The following EPHA6 variants were observed in gnomAD, a reference collection of about 807,000 sequenced individuals.
EPHA6 encodes the protein EPH receptor A6.
A neutral mutation model predicts 112.0 loss-of-function variants in EPHA6; 50 were observed. The observed-to-expected ratio is 0.45, with a 90% CI of 0.36 to 0.56. The LOEUF (loss-of-function observed/expected upper bound fraction) is 0.56, where lower values mean the gene tolerates loss of function less well. EPHA6 is among the 20% of genes least tolerant of loss of function. The probability of loss-of-function intolerance (pLI) is 0.00; values close to 1 mark genes in which losing one functional copy is unlikely to be tolerated. For missense variants in EPHA6, 1,280 were observed against 1,417.4 expected, an observed-to-expected ratio of 0.90 and a Z score of 1.56; for synonymous variants, 529 against 490.7, an observed-to-expected ratio of 1.08 and a Z score of -1.03.
At chr3:97,640,359 G>A (rs935580137) in intron 14 of EPHA6, among the ~76,000 whole-genome samples, 1 of 152,172 alleles carries the variant, frequency 6.6e-6, no homozygotes, top group Non-Finnish European at 1.5e-5. Flanking sequence ...TGGAATAAAT[G>A]TAAAGGTACC....
intron 5 of EPHA6, among the ~76,000 whole-genome samples, chr3:97,362,132 A>G (rs1007638523): frequency 3.3e-5 from 5 of 152,186 alleles, no homozygotes; most frequent in Non-Finnish European, 7.3e-5. Context: ...CCACTTCATT[A>G]TGACACAATA....
chr3:97,188,456 ACAAAT>A (rs1241780210), intron 3 of EPHA6, among the ~76,000 whole-genome samples: 1 of 152,076 alleles, frequency 6.6e-6, no homozygotes, highest in Admixed American at 6.6e-5. Flanking sequence ...CAAGAAAGAA[ACAAAT>A]CAAACTAGGG....
intron 5 of EPHA6, among the ~76,000 whole-genome samples, chr3:97,297,535 G>A (rs1267645881): frequency 6.6e-6 from 1 of 152,026 alleles, no homozygotes; most frequent in Non-Finnish European, 1.5e-5. Context: ...GAGTTTACAT[G>A]CTTTACAACA....
At chr3:97,556,316 G>T (rs1377689185) in intron 11 of EPHA6, among the ~76,000 whole-genome samples, 25 of 151,954 alleles carry the variant, frequency 1.6e-4, no homozygotes, top group Admixed American at 1.4e-3. Flanking sequence ...GTATGTATGT[G>T]CATTAGTCTA....
intron 5 of EPHA6, among the ~76,000 whole-genome samples, chr3:97,272,297 CGTGTGTGTGTGTGT>C (rs58790255): frequency 0.62 from 92,831 of 150,216 alleles, 31,072 homozygotes; most frequent in East Asian, 0.78. Context: ...TATTCCATTT[CGTGTGTGTGTGTGT>C]GTGTGTGTGT....
Position 96,981,357 on chromosome 3 carries a change from G to C in EPHA6, c.451-5973G>C, listed in dbSNP as rs114853492. Among the ~76,000 whole-genome samples the C allele has an allele frequency of 5.5e-3, 830 of 152,214 alleles. 13 individuals are homozygous for C. Among genetic ancestry groups the C allele is most frequent in the African/African-American group, 0.019 (777 of 41,526 alleles). On this transcript the variant is annotated intron_variant, in intron 2 of 17. Transcript: ENST00000389672. Reference sequence around the variant, plus strand: ...GTTTATGTGCTGGATTTCATTTATTGATTTGTTTATGTTGAACCAGCCTTA... The same window carrying C: ...GTTTATGTGCTGGATTTCATTTATTCATTTGTTTATGTTGAACCAGCCTTA...
intron 7 of EPHA6, chr3:97,466,489 G>A (rs868405482): frequency 1.5e-6 from 2 of 1,316,276 alleles, no homozygotes; most frequent in Non-Finnish European, 2.2e-6. Context: ...TCAGGTAACT[G>A]AAAAGTCAAA....
At position 97,760,414 on chromosome 3, in the gene EPHA6, A is replaced by C. The variant is rs1166212387; in HGVS notation, c.*11713A>C. 1 of 166,900 alleles carries C rather than the reference A, an allele frequency of 6.0e-6. No homozygotes were observed. 10.3% of individuals were successfully genotyped at this position (166,900 alleles called of 1,614,324 possible). A position where few individuals can be genotyped will look rare whatever the true frequency, so the allele number is the denominator to read the frequency against. On this transcript the variant is annotated 3_prime_UTR_variant, in exon 18 of 18. Transcript: ENST00000389672. ...TGTATGTGTGTATGTGTGTATATAT[A>C]TCTCTCTAGGTTGTATGTAATTCAA...
At chr3:97,720,216 A>T in intron 14 of EPHA6, 45 bp from the exon 15 acceptor site, 1 of 1,464,984 alleles carries the variant, frequency 6.8e-7, no homozygotes, top group Non-Finnish European at 9.0e-7. Flanking sequence ...TTTTGTTTTT[A>T]ATACAACGAT....
At chr3:97,077,585 G>A (rs565125096) in intron 3 of EPHA6, among the ~76,000 whole-genome samples, 43 of 108,140 alleles carry the variant, frequency 4.0e-4, no homozygotes, top group Admixed American at 2.5e-3. Context: ...GATGTTCCCC[G>A]CCCTTTGTCC....
chr3:97,233,804 A>G (rs1443759999), intron 4 of EPHA6, among the ~76,000 whole-genome samples: 1 of 152,186 alleles, frequency 6.6e-6, no homozygotes, highest in African/African-American at 2.4e-5. Context: ...TGATGAAACC[A>G]TTTTGAATGT....
chr3:97,359,244 C>A (rs973391206), intron 5 of EPHA6, among the ~76,000 whole-genome samples: 8 of 151,950 alleles, frequency 5.3e-5, no homozygotes, highest in Non-Finnish European at 1.2e-4. Flanking sequence ...TTTCCTCAAC[C>A]ATTTTTTTCA....
chr3:97,493,742 G>A (rs2091909329), intron 10 of EPHA6, among the ~76,000 whole-genome samples: 2 of 152,062 alleles, frequency 1.3e-5, no homozygotes, highest in East Asian at 1.9e-4. Flanking sequence ...AATAAAAATT[G>A]TAAATTCATA....
intron 2 of EPHA6, among the ~76,000 whole-genome samples, chr3:96,931,759 A>G (rs1264495512): frequency 1.3e-5 from 2 of 152,148 alleles, no homozygotes; most frequent in Non-Finnish European, 2.9e-5. Context: ...CAAACCAGTG[A>G]GTCTTATCTT....
At chr3:96,836,077 A>C (rs1462011118) in intron 1 of EPHA6, among the ~76,000 whole-genome samples, 2 of 152,120 alleles carry the variant, frequency 1.3e-5, no homozygotes, top group Non-Finnish European at 2.9e-5. Context: ...TGGCTACTAC[A>C]TGAGGTATGC....
intron 1 of EPHA6, among the ~76,000 whole-genome samples, chr3:96,816,170 G>A (rs1464115170): frequency 6.6e-6 from 1 of 152,134 alleles, no homozygotes; most frequent in Non-Finnish European, 1.5e-5. Context: ...ATTTTACTTA[G>A]AAATGTTCAG....
intron 6 of EPHA6, among the ~76,000 whole-genome samples, chr3:97,440,622 A>G (rs1168640204): frequency 6.6e-6 from 1 of 151,134 alleles, no homozygotes; most frequent in African/African-American, 2.4e-5. Context: ...AATATATTAA[A>G]GCATAATAGA....
chr3:97,574,601 G>A (rs2093365434), intron 11 of EPHA6, among the ~76,000 whole-genome samples: 1 of 151,910 alleles, frequency 6.6e-6, no homozygotes. Context: ...ATAGAGAAAG[G>A]GCAAAAGGTA....
At position 97,448,646 on chromosome 3, in the gene EPHA6, A is replaced by G. The variant is rs1277153393; in HGVS notation, c.1810A>G (p.Lys604Glu). ...VIITGLKPAT[K>E]YVFHIRVRTA... ...CATCACAGGTCTTAAGCCAGCCACC[A>G]AATATGTATTTCACATCCGAGTGAG... Residue 604 changes from lysine (K) to glutamate (E), a missense_variant, in exon 7 of 18, where the codon AAA (lysine) becomes GAA (glutamate). Transcript: ENST00000389672. 3 of 1,613,472 alleles carry G rather than the reference A, an allele frequency of 1.9e-6. No individual in the cohort carries two copies. The highest frequency in any genetic ancestry group is 2.5e-6 in the Non-Finnish European group (3 of 1,179,612).
Sources: allele counts gnomAD v4.1 joint callset (sites outside exome capture counted in the v4.1 genomes callset), GRCh38; gene constraint gnomAD v4.1.1; transcripts MANE v1.5; gene names NCBI Gene and HGNC (gene_info 2026-07-23, HGNC 2026-07-21).